CTNNA3: variants seen among roughly 807,000 people sequenced by gnomAD.
The protein encoded by CTNNA3 is catenin alpha 3.
CTNNA3 carries 76 observed loss-of-function variants against 95.7 expected under a neutral mutation model. The observed-to-expected ratio is 0.79, with a 90% CI of 0.66 to 0.96. The LOEUF (loss-of-function observed/expected upper bound fraction) is 0.96. Among genes scored for constraint, CTNNA3 ranks in the 40% least tolerant of loss-of-function variants. The pLI is 0.00. For synonymous variants in CTNNA3, 431 were observed against 374.4 expected (o/e 1.15, Z -1.74); for missense variants, 1,191 against 1,089.8 (o/e 1.09, Z -1.31).
chr10:67,143,070 G>C (rs573681329), intron 7 of CTNNA3, among the ~76,000 whole-genome samples: 12 of 152,172 alleles, frequency 7.9e-5, no homozygotes, highest in Middle Eastern at 3.4e-3. Flanking sequence ...TGAAGGTTAG[G>C]GGTGGCTGTG....
intron 7 of CTNNA3, among the ~76,000 whole-genome samples, chr10:66,976,685 C>T (rs952551244): frequency 2.6e-5 from 4 of 152,198 alleles, no homozygotes; most frequent in Non-Finnish European, 5.9e-5. Context: ...TTCTGCCACA[C>T]TGATCTATTT....
intron 7 of CTNNA3, among the ~76,000 whole-genome samples, chr10:66,862,731 T>C (rs190823514): frequency 6.6e-6 from 1 of 152,292 alleles, no homozygotes; most frequent in East Asian, 1.9e-4. Context: ...TACGTGTTAA[T>C]GTGACTAGAA....
At chr10:66,363,507 C>T (rs1373331948) in intron 12 of CTNNA3, among the ~76,000 whole-genome samples, 1 of 152,166 alleles carries the variant, frequency 6.6e-6, no homozygotes, top group African/African-American at 2.4e-5. Flanking sequence ...TGCTGGCACC[C>T]TGATTTGGGA....
At chr10:66,699,993 T>G (rs947127646) in intron 9 of CTNNA3, among the ~76,000 whole-genome samples, 3 of 151,980 alleles carry the variant, frequency 2.0e-5, no homozygotes, top group African/African-American at 7.3e-5. Context: ...GTTACTTGGT[T>G]TTTTTTTGTT....
At chr10:67,411,393 T>C (rs1845362518) in intron 5 of CTNNA3, among the ~76,000 whole-genome samples, 1 of 152,050 alleles carries the variant, frequency 6.6e-6, no homozygotes, top group South Asian at 2.1e-4. Context: ...CAAAACTGAG[T>C]GGTTCAAGGG....
chr10:66,436,234 A>T (rs1265487324), intron 11 of CTNNA3, among the ~76,000 whole-genome samples: 1 of 152,016 alleles, frequency 6.6e-6, no homozygotes, highest in East Asian at 1.9e-4. Context: ...TATCCTTGTT[A>T]ATTTTCTGTC....
At chr10:66,492,582 A>C (rs1452513156) in intron 11 of CTNNA3, among the ~76,000 whole-genome samples, 1 of 152,126 alleles carries the variant, frequency 6.6e-6, no homozygotes, top group Non-Finnish European at 1.5e-5. Flanking sequence ...AATGATAGCA[A>C]TCACTTATAT....
intron 1 of CTNNA3, among the ~76,000 whole-genome samples, chr10:67,692,826 T>C (rs957603659): frequency 6.6e-6 from 1 of 151,914 alleles, no homozygotes; most frequent in Non-Finnish European, 1.5e-5. Context: ...TCTCGTTTCA[T>C]AGATTAGTTA....
At chr10:67,293,332 A>C (rs965735459) in intron 5 of CTNNA3, among the ~76,000 whole-genome samples, 27 of 152,160 alleles carry the variant, frequency 1.8e-4, no homozygotes, top group African/African-American at 6.5e-4. Flanking sequence ...CATGAATGTC[A>C]ATTTCTATTA....
chr10:66,333,714 A>G (rs9664567), intron 12 of CTNNA3, among the ~76,000 whole-genome samples: 120,060 of 150,454 alleles, frequency 0.8, 48,194 homozygotes, highest in Non-Finnish European at 0.84. Flanking sequence ...TGTTGATTTG[A>G]GGTGGAGAGT....
rs927570769 is a variant in CTNNA3 at position 66,403,679 on chromosome 10, C to T, written c.1532-24327G>A. On this transcript the variant is annotated intron_variant, in intron 11 of 17. Coordinates refer to ENST00000433211, the MANE Select transcript of CTNNA3 (RefSeq NM_013266.4). ...CGTTTTACTGCACAGGGTGAGCAGA[C>T]CCCAGTTTGGTCCTAAAACGGTATT... Among the ~76,000 whole-genome samples, 3 of 152,208 alleles carry T rather than the reference C, an allele frequency of 2.0e-5. No homozygotes were observed. The South Asian group carries it at 6.2e-4, about 32-fold the overall frequency.
At chr10:66,445,851 T>TA (rs1422029567) in intron 11 of CTNNA3, among the ~76,000 whole-genome samples, 1 of 151,692 alleles carries the variant, frequency 6.6e-6, no homozygotes, top group South Asian at 2.1e-4. Flanking sequence ...AATAGACACA[T>TA]AAAAAAACTT....
At chr10:67,004,395 A>G (rs1851855434) in intron 7 of CTNNA3, among the ~76,000 whole-genome samples, 1 of 152,246 alleles carries the variant, frequency 6.6e-6, no homozygotes, top group Non-Finnish European at 1.5e-5. Context: ...AGAGAAATGT[A>G]TCTTGCTTCC....
At chr10:67,337,716 C>G (rs78401139) in intron 5 of CTNNA3, among the ~76,000 whole-genome samples, 2,580 of 152,192 alleles carry the variant, frequency 0.017, 68 homozygotes, top group African/African-American at 0.059. Flanking sequence ...CAACTATTAC[C>G]CTGATCAATC....
intron 5 of CTNNA3, among the ~76,000 whole-genome samples, chr10:67,300,548 T>C (rs556083686): frequency 7.9e-5 from 12 of 152,212 alleles, no homozygotes; most frequent in Non-Finnish European, 1.2e-4. Flanking sequence ...AGCCTGTGAA[T>C]TCCTTCCTCT....
intron 5 of CTNNA3, among the ~76,000 whole-genome samples, chr10:67,391,371 G>A (rs1350111427): frequency 6.6e-6 from 1 of 151,132 alleles, no homozygotes; most frequent in Admixed American, 6.6e-5. Flanking sequence ...CCTCTTCAAG[G>A]AGAACTACAA....
At chr10:67,359,306 T>C (rs1050220485) in intron 5 of CTNNA3, among the ~76,000 whole-genome samples, 3 of 150,236 alleles carry the variant, frequency 2.0e-5, no homozygotes, top group Non-Finnish European at 4.4e-5. Context: ...ATCAGTACAA[T>C]GACTCTGGTA....
intron 15 of CTNNA3, among the ~76,000 whole-genome samples, chr10:65,999,483 T>G (rs1270141539): frequency 6.6e-6 from 1 of 152,184 alleles, no homozygotes; most frequent in Non-Finnish European, 1.5e-5. Context: ...ACCACTATCT[T>G]AAGCACATGT....
At chr10:65,968,491 C>A (rs1185677443) in intron 16 of CTNNA3, among the ~76,000 whole-genome samples, 3 of 152,190 alleles carry the variant, frequency 2.0e-5, no homozygotes, top group Non-Finnish European at 2.9e-5. Context: ...TTGCTCCATA[C>A]CCAGGCAGAT....
Sources: gnomAD v4.1 joint callset for allele counts (sites outside exome capture counted in the v4.1 genomes callset) on GRCh38, gnomAD v4.1.1 for gene constraint, MANE v1.5 for transcripts, NCBI Gene and HGNC (gene_info 2026-07-23, HGNC 2026-07-21) for gene names.